DIAPH2: variants seen among roughly 807,000 people sequenced by gnomAD.
DIAPH2 encodes the protein diaphanous related formin 2.
A neutral mutation model predicts 92.7 loss-of-function variants in DIAPH2; 35 were observed. The ratio of observed to expected loss-of-function variants is 0.38; its 90% CI spans 0.29 to 0.50. The LOEUF is 0.50. Ranked by LOEUF, DIAPH2 falls within the 20% of genes least tolerant of loss-of-function variation. DIAPH2 has a pLI of 0.94. For synonymous variants in DIAPH2, 301 were observed against 280.4 expected, an observed-to-expected ratio of 1.07 and a Z score of -0.73; for missense variants, 701 against 819.5, an observed-to-expected ratio of 0.86 and a Z score of 1.77.
chrX:96,973,227 G>A (rs371183576), intron 17 of DIAPH2, among the ~76,000 whole-genome samples: 6 of 112,233 alleles, frequency 5.3e-5, no homozygotes, highest in East Asian at 2.8e-4. Flanking sequence ...GCTGAGCGTC[G>A]TGACTCATGC....
intron 1 of DIAPH2, among the ~76,000 whole-genome samples, chrX:96,731,850 A>G (rs1170826114): frequency 9.0e-6 from 1 of 111,719 alleles, no homozygotes; most frequent in African/African-American, 3.3e-5. Context: ...GCTTTTCCAG[A>G]GTTGATTTTA....
Position 97,272,350 on chromosome X carries a change from C to T in DIAPH2, c.2844+24511C>T, listed in dbSNP as rs764351370. ...TGAACAAGAAACCTTTCTGCTGTCT[C>T]ATCTGGCATAACCTTAACATCACGC... On this transcript the variant is annotated intron_variant, in intron 23 of 26. Transcript: ENST00000324765. 7.6e-4 allele frequency among the ~76,000 whole-genome samples: 85 copies of T among 111,942 alleles called. No individual in the cohort carries two copies. In the South Asian group the frequency reaches 0.026, roughly 34 times the overall value.
At chrX:97,494,325 T>C (rs1024370115) in intron 26 of DIAPH2, among the ~76,000 whole-genome samples, 7 of 109,938 alleles carry the variant, frequency 6.4e-5, no homozygotes, top group African/African-American at 2.3e-4. Flanking sequence ...TCTCAATAAA[T>C]AAATAAATAC....
At chrX:97,202,769 A>C (rs1350669164) in intron 22 of DIAPH2, among the ~76,000 whole-genome samples, 2 of 112,089 alleles carry the variant, frequency 1.8e-5, no homozygotes, top group African/African-American at 6.5e-5. Context: ...TGTTTGACAG[A>C]TTAACAAGAC....
At chrX:96,794,323 C>A (rs1291886288) in intron 4 of DIAPH2, among the ~76,000 whole-genome samples, 3 of 111,009 alleles carry the variant, frequency 2.7e-5, no homozygotes, top group Non-Finnish European at 3.8e-5. Flanking sequence ...TAGTAGTATT[C>A]TTAGTGCCGA....
At chrX:97,403,712 T>C (rs1041793705) in intron 25 of DIAPH2, among the ~76,000 whole-genome samples, 1 of 111,872 alleles carries the variant, frequency 8.9e-6, no homozygotes. Context: ...TTGGTTTTTA[T>C]AAAACATTAG....
At position 97,469,810 on chromosome X, in the gene DIAPH2, T is replaced by C; in HGVS notation, c.3241+40065T>C. ...AACATGACTTTTTAAGATAATCAAG[T>C]AGTAAAAGTTTCTAGTGGAAACATG... On this transcript the variant is annotated intron_variant, in intron 26 of 26. Transcript: ENST00000324765. 6.8e-6 allele frequency: 8 copies of C among 1,168,211 alleles called. No individual in the cohort carries two copies. In the South Asian group the frequency reaches 1.2e-4, roughly 18 times the overall value.
intron 26 of DIAPH2, among the ~76,000 whole-genome samples, chrX:97,497,505 C>T (rs1413218077): frequency 9.3e-6 from 1 of 107,091 alleles, no homozygotes; most frequent in African/African-American, 3.4e-5. Context: ...CTTATAGTTG[C>T]TTAATATTGT....
intron 4 of DIAPH2, among the ~76,000 whole-genome samples, chrX:96,854,598 CATATA>C (rs2065026040): frequency 1.9e-4 from 7 of 37,132 alleles, no homozygotes; most frequent in African/African-American, 6.2e-4. Flanking sequence ...CTCTCTCTCT[CATATA>C]TATATATATA....
chrX:96,748,447 A>C (rs188873494), intron 3 of DIAPH2, among the ~76,000 whole-genome samples: 154 of 111,911 alleles, frequency 1.4e-3, no homozygotes, highest in African/African-American at 4.6e-3. Flanking sequence ...AGCAGAGAAC[A>C]CCACCTAAAT....
chrX:97,355,992 A>C (rs1420416399), intron 24 of DIAPH2, among the ~76,000 whole-genome samples: 2 of 111,739 alleles, frequency 1.8e-5, no homozygotes, highest in African/African-American at 6.5e-5. Flanking sequence ...TTTGCAGGCA[A>C]AACTGCTTGG....
chrX:97,509,858 A>G (rs2070872250), intron 26 of DIAPH2, among the ~76,000 whole-genome samples: 1 of 110,422 alleles, frequency 9.1e-6, no homozygotes, highest in Non-Finnish European at 1.9e-5. Flanking sequence ...TTATGGCTGC[A>G]TAGTATTCCA....
At chrX:96,873,133 A>G (rs1460731676) in intron 4 of DIAPH2, among the ~76,000 whole-genome samples, 1 of 111,526 alleles carries the variant, frequency 9.0e-6, no homozygotes, top group Non-Finnish European at 1.9e-5. Flanking sequence ...AACTGGGGTG[A>G]GATGATACCT....
At chrX:96,756,911 CTTTTTTT>C (rs1172916942) in intron 3 of DIAPH2, among the ~76,000 whole-genome samples, 6 of 58,789 alleles carry the variant, frequency 1.0e-4, no homozygotes, top group Non-Finnish European at 1.8e-4. Context: ...ATTTATATAT[CTTTTTTT>C]TTTTTTTTTT....
At chrX:96,907,652 G>A (rs2065441974) in intron 5 of DIAPH2, among the ~76,000 whole-genome samples, 1 of 112,051 alleles carries the variant, frequency 8.9e-6, no homozygotes, top group Non-Finnish European at 1.9e-5. Flanking sequence ...TAAAAAGACT[G>A]ACAAGGATTT....
intron 16 of DIAPH2, among the ~76,000 whole-genome samples, chrX:96,962,396 T>C (rs1471870894): frequency 2.3e-4 from 14 of 62,077 alleles, no homozygotes; most frequent in Non-Finnish European, 2.9e-4. Flanking sequence ...TATATACACA[T>C]ATATATACAC....
chrX:97,154,264 C>T (rs1224543634), intron 22 of DIAPH2, among the ~76,000 whole-genome samples: 1 of 111,583 alleles, frequency 9.0e-6, no homozygotes, highest in Non-Finnish European at 1.9e-5. Context: ...GTAAAGTGCA[C>T]AAGATCACAC....
At chrX:97,262,692 G>C (rs1388570248) in intron 23 of DIAPH2, among the ~76,000 whole-genome samples, 2 of 111,637 alleles carry the variant, frequency 1.8e-5, no homozygotes, top group African/African-American at 3.3e-5. Context: ...ATGTAGATAT[G>C]TGAGCCTAGA....
chrX:97,456,113 C>A (rs768455890), intron 26 of DIAPH2, among the ~76,000 whole-genome samples: 1 of 112,433 alleles, frequency 8.9e-6, no homozygotes, highest in East Asian at 2.8e-4. Context: ...TCAGGCCGGG[C>A]GCGGTGGCTC....
Sources: gnomAD v4.1 joint callset for allele counts (sites outside exome capture counted in the v4.1 genomes callset) on GRCh38, gnomAD v4.1.1 for gene constraint, MANE v1.5 for transcripts, NCBI Gene and HGNC (gene_info 2026-07-23, HGNC 2026-07-21) for gene names.